Variants in PEAK3 observed in about 807,000 individuals in gnomAD.
The protein encoded by PEAK3 is PEAK family member 3.
Under a neutral mutation model 13.3 loss-of-function variants are expected in PEAK3, and 15 were observed. That is an observed-to-expected ratio of 1.13 (90% CI 0.75 to 1.73). The LOEUF (loss-of-function observed/expected upper bound fraction) is 1.73, where lower values mean the gene tolerates loss of function less well. PEAK3 is among the 40% of genes most tolerant of loss of function. The probability of loss-of-function intolerance (pLI) is 0.00; values close to 1 mark genes in which losing one functional copy is unlikely to be tolerated. For missense variants in PEAK3, 739 were observed against 690.2 expected (o/e 1.07, Z -0.79); for synonymous variants, 347 against 341.9 (o/e 1.01, Z -0.17).
rs1462776934 is a variant in PEAK3 at position 2,276,058 on chromosome 19, G to A, written c.1044C>T (p.His348=). ...GGAGGAGGCTGCCCAGCTGCGGCGC[G>A]TGGGGGCCCGGGGATCCCGGGGGTC... ...PPGPPGSPGP[H]APQLGSLLRA... The change falls in exon 4 of 4, where the codon CAC becomes CAT. Residue 348 remains histidine (H), a synonymous_variant. Transcript: ENST00000342063. The A allele has an allele frequency of 3.4e-6, 5 of 1,450,870 alleles. No homozygotes were observed. In the South Asian group the frequency reaches 4.3e-5, roughly 12 times the overall value. The allele number at this position is 1,450,870 out of a possible 1,614,324, so 89.9% of individuals were successfully genotyped here.
intron 1 of PEAK3, among the ~76,000 whole-genome samples, chr19:2,281,303 G>T (rs4471818): frequency 1.4e-5 from 1 of 70,624 alleles, no homozygotes; most frequent in Non-Finnish European, 2.8e-5. Context: ...GAGTGGGTTT[G>T]CTGCCCTCTC....
At position 2,279,127 on chromosome 19, in the gene PEAK3, C is replaced by T. The variant is rs1257534268; in HGVS notation, c.83-14G>A. 1 of 1,424,192 alleles carries T rather than the reference C, an allele frequency of 7.0e-7. No homozygotes were observed. The highest frequency in any genetic ancestry group is 2.6e-5 in the East Asian group (1 of 39,056). The allele number at this position is 1,424,192 out of a possible 1,614,324, so 88.2% of individuals were successfully genotyped here. A position where few individuals can be genotyped will look rare whatever the true frequency, so the allele number is the denominator to read the frequency against. On this transcript the variant is annotated splice_polypyrimidine_tract_variant and intron_variant, in intron 2 of 3. Transcript: ENST00000342063. Reference sequence around the variant, plus strand: ...CACGGATCTGACCTGCAGGGAGAGACAGTGGGGGAGGGTTGAGGACAGGCG... The same window carrying T: ...CACGGATCTGACCTGCAGGGAGAGATAGTGGGGGAGGGTTGAGGACAGGCG...
intron 2 of PEAK3, 151 bp downstream of exon 2, chr19:2,280,699 G>A (rs771782621): frequency 7.7e-6 from 5 of 646,102 alleles, no homozygotes; most frequent in African/African-American, 3.8e-5. Context: ...GGGCCTTCCC[G>A]GAGGTCACTC....
At chr19:2,279,831 C>A (rs940153446) in intron 2 of PEAK3, among the ~76,000 whole-genome samples, 1 of 151,706 alleles carries the variant, frequency 6.6e-6, no homozygotes, top group Admixed American at 6.6e-5. Context: ...CTCACTGCAA[C>A]CTCCGCCTCC....
At chr19:2,277,139 A>T (rs530036298) in intron 3 of PEAK3, among the ~76,000 whole-genome samples, 2 of 152,292 alleles carry the variant, frequency 1.3e-5, no homozygotes, top group East Asian at 3.9e-4. Flanking sequence ...TTCCTGGGTT[A>T]ACTGCGTTGA....
Position 2,276,131 on chromosome 19 carries a change from G to T in PEAK3, c.971C>A (p.Pro324Gln). 6.5e-7 allele frequency: 1 copy of T among 1,539,110 alleles called. No homozygotes were observed. ...GCCAAAGTCAGTGAGGAGCAGGCGT[G>T]GGGGCCCCGTCGTCGCACAGCCCCG... is the stretch of plus-strand genomic sequence containing the variant. ...APRGCATTGP[P>Q]RLLLTDFGRV... The change falls in exon 4 of 4, where the codon CCA becomes CAA. Residue 324 changes from proline to glutamine, a missense_variant. By Grantham distance (76) the Pro-to-Gln change is moderately conservative (BLOSUM62 -1). Transcript: ENST00000342063.
In PEAK3 at chr19:2,275,957, G is replaced by A. The variant is rs2025381664; in HGVS notation, c.1145C>T (p.Thr382Ile). 14 of 1,409,152 alleles carry A rather than the reference G, an allele frequency of 9.9e-6. No homozygotes were observed. The highest frequency in any genetic ancestry group is 1.3e-5 in the Non-Finnish European group (14 of 1,089,200). The allele number at this position is 1,409,152 out of a possible 1,614,324, so 87.3% of individuals were successfully genotyped here. ...CCGGGACGCCGAGGGCCGCAAGCGGGTCAGCTGTGCTGCCAGGAGCTCCAG... is the reference window on the plus strand; with the variant it reads ...CCGGGACGCCGAGGGCCGCAAGCGGATCAGCTGTGCTGCCAGGAGCTCCAG... ...AGLELLAAQL[T>I]RLRPSASRTR... is the part of the protein sequence containing the mutation. Residue 382 changes from threonine to isoleucine, a missense_variant, in exon 4 of 4, where the codon ACC becomes ATC. Physicochemically the swap from Thr to Ile is moderately conservative, Grantham distance 89 (BLOSUM62 -1). Coordinates refer to ENST00000342063, the MANE Select transcript of PEAK3 (RefSeq NM_198532.3).
chr19:2,276,285 G>T lies in PEAK3; in HGVS notation c.817C>A (p.Pro273Thr), dbSNP rs761965563. The stretch of plus-strand genomic sequence containing the variant: ...ACAGCCCACACGAACTCCTCCGGCG[G>T]CTGCGTGCAGGCCTCCGCCAGCCAC... ...AQWLAEACTQ[P>T]PEEFVWAVAL... Residue 273 changes from proline (P) to threonine (T), a missense_variant, in exon 4 of 4, where the codon CCG becomes ACG. Coordinates refer to ENST00000342063, the MANE Select transcript of PEAK3 (RefSeq NM_198532.3). The T allele has an allele frequency of 3.1e-6, 5 of 1,591,760 alleles. No homozygotes were observed. The highest frequency in any genetic ancestry group is 4.3e-6 in the Non-Finnish European group (5 of 1,176,098).
rs759962548 is a variant in PEAK3 at position 2,276,477 on chromosome 19, C to T, written c.625G>A (p.Gly209Arg). 17 of 1,537,724 alleles carry T rather than the reference C, an allele frequency of 1.1e-5. No individual in the cohort carries two copies. The highest frequency in any genetic ancestry group is 3.6e-5 in the South Asian group (3 of 83,128). The change falls in exon 4 of 4, where the codon GGG (glycine) becomes AGG (arginine). Residue 209 changes from glycine to arginine, a missense_variant. Coordinates refer to ENST00000342063, the MANE Select transcript of PEAK3 (RefSeq NM_198532.3). ...CCCCACGGGTGGGGCACGTCCGCCC[C>T]GGGCTTGGGCACCTGCAAGGCAGAG... ...HILVAKVPKP[G>R]ADVPHPWGLE...
At chr19:2,280,801 G>A (rs745820667) in intron 2 of PEAK3, 49 bp downstream of exon 2, 1 of 1,414,078 alleles carries the variant, frequency 7.1e-7, no homozygotes, top group Non-Finnish European at 9.6e-7. Context: ...GCACCCCCCT[G>A]CCGCTCCCTG....
chr19:2,277,542 C>T (rs1465590164), intron 3 of PEAK3, among the ~76,000 whole-genome samples: 1 of 151,990 alleles, frequency 6.6e-6, no homozygotes, highest in Non-Finnish European at 1.5e-5. Context: ...TTTTTCTTTT[C>T]TTTTCTTTTT....
intron 3 of PEAK3, among the ~76,000 whole-genome samples, chr19:2,276,891 C>T (rs1223303165): frequency 6.6e-6 from 1 of 152,070 alleles, no homozygotes; most frequent in Non-Finnish European, 1.5e-5. Context: ...GCGCGCCTGT[C>T]ATCCCAGCTA....
rs1209207226 is a variant in PEAK3, at chr19:2,275,602, A to C, written c.*78T>G. 1 of 1,245,024 alleles carries C rather than the reference A, an allele frequency of 8.0e-7. No individual in the cohort carries two copies. Among genetic ancestry groups the C allele is most frequent in the East Asian group, 3.2e-5 (1 of 31,628 alleles). The allele number at this position is 1,245,024 out of a possible 1,614,324, so 77.1% of individuals were successfully genotyped here. ...TCTGCAGGAAGAGGGTGTCTTGGCT[A>C]TCATGGAGACGCTGACCTCAGCCCC... On this transcript the variant is annotated 3_prime_UTR_variant, in exon 4 of 4. Coordinates refer to ENST00000342063, the MANE Select transcript of PEAK3 (RefSeq NM_198532.3).
chr19:2,279,001 G>C lies in PEAK3; in HGVS notation c.195C>G (p.Thr65=), dbSNP rs1162103296. The C allele has an allele frequency of 6.3e-7, 1 of 1,577,442 alleles. No individual in the cohort carries two copies. The highest frequency in any genetic ancestry group is 1.3e-5 in the African/African-American group (1 of 74,326). Residue 65 remains threonine (T), a synonymous_variant, in exon 3 of 4, where the codon ACC becomes ACG. Transcript: ENST00000342063. ...TGCGGGTGGGCAGTGACTGGGTCCGGGTTAGGATCTTCTTGGGCAGGGGTG... is the reference window on the plus strand; with the variant it reads ...TGCGGGTGGGCAGTGACTGGGTCCGCGTTAGGATCTTCTTGGGCAGGGGTG... ...LPPPLPKKIL[T]RTQSLPTRRT...
At position 2,276,072 on chromosome 19, in the gene PEAK3, A is replaced by T. The variant is rs2025383504; in HGVS notation, c.1030T>A (p.Ser344Thr). ...VCLQPPGPPG[S>T]PGPHAPQLGS... ...AGCTGCGGCGCGTGGGGGCCCGGGG[A>T]TCCCGGGGGTCCAGGGGGCTGCAGA... is the stretch of plus-strand genomic sequence containing the variant. The change falls in exon 4 of 4, where the codon TCC becomes ACC. Residue 344 changes from serine (S) to threonine (T), a missense_variant. Coordinates refer to ENST00000342063, the MANE Select transcript of PEAK3 (RefSeq NM_198532.3). 1 of 1,463,172 alleles carries T rather than the reference A, an allele frequency of 6.8e-7. No homozygotes were observed. The highest frequency in any genetic ancestry group is 1.4e-5 in the South Asian group (1 of 72,534). The allele number at this position is 1,463,172 out of a possible 1,614,324, so 90.6% of individuals were successfully genotyped here. A position where few individuals can be genotyped will look rare whatever the true frequency, so the allele number is the denominator to read the frequency against.
rs2025368955 is a variant in PEAK3, at chr19:2,274,931, C to CGAA, written c.*748_*749insTTC. The CGAA allele has an allele frequency of 1.2e-5, 1 of 81,980 alleles. No individual in the cohort carries two copies. Among genetic ancestry groups the CGAA allele is most frequent in the Non-Finnish European group, 2.4e-5 (1 of 42,168 alleles). 5.1% of individuals were successfully genotyped at this position (81,980 alleles called of 1,614,324 possible). On this transcript the variant is annotated 3_prime_UTR_variant, in exon 4 of 4. Transcript: ENST00000342063. Reference sequence around the variant, plus strand: ...AGCTTGCAGTAAGCCGAGATCGTCTCAAAAAAAAAAAAAAAAAAAAAAGAA... The same window carrying CGAA: ...AGCTTGCAGTAAGCCGAGATCGTCTCGAAAAAAAAAAAAAAAAAAAAAAAAGAA...
Position 2,278,842 on chromosome 19 carries a change from G to A in PEAK3, c.354C>T (p.Asp118=), listed in dbSNP as rs78560055. The change falls in exon 3 of 4, where the codon GAC becomes GAT. Residue 118 remains aspartate (D), a synonymous_variant. Transcript: ENST00000342063. ...CGCGGAGGGAGAGGCCCAGTGGGGC[G>A]TCAGCCGGGCCAAAGGTCAGCTCTG... is the stretch of plus-strand genomic sequence containing the variant. ...LPAELTFGPA[D]APLGLSLRDL... The A allele has an allele frequency of 0.012, 18,972 of 1,597,020 alleles. 160 individuals are homozygous for A. Among genetic ancestry groups the A allele is most frequent in the Non-Finnish European group, 0.015 (17,110 of 1,172,144 alleles).
chr19:2,276,063 G>C lies in PEAK3; in HGVS notation c.1039C>G (p.Pro347Ala). The change falls in exon 4 of 4, where the codon CCC (proline) becomes GCC (alanine). Residue 347 changes from proline to alanine, a missense_variant. By Grantham distance (27) the Pro-to-Ala change is conservative (BLOSUM62 -1). Transcript: ENST00000342063. ...AGGCTGCCCAGCTGCGGCGCGTGGG[G>C]GCCCGGGGATCCCGGGGGTCCAGGG... is the stretch of plus-strand genomic sequence containing the variant. ...QPPGPPGSPG[P>A]HAPQLGSLLR... 6.9e-7 allele frequency: 1 copy of C among 1,457,448 alleles called. No individual in the cohort carries two copies. The highest frequency in any genetic ancestry group is 9.0e-7 in the Non-Finnish European group (1 of 1,105,008). The allele number at this position is 1,457,448 out of a possible 1,614,324, so 90.3% of individuals were successfully genotyped here. A position where few individuals can be genotyped will look rare whatever the true frequency, so the allele number is the denominator to read the frequency against.
intron 1 of PEAK3, 116 bp downstream of exon 1, chr19:2,281,971 C>T (rs528671575): frequency 6.5e-6 from 1 of 152,900 alleles, no homozygotes; most frequent in Non-Finnish European, 1.5e-5. Flanking sequence ...GCCTCATCCC[C>T]GAGGGCTCAG....
Sources: gnomAD v4.1 joint callset for allele counts (sites outside exome capture counted in the v4.1 genomes callset) on GRCh38, gnomAD v4.1.1 for gene constraint, MANE v1.5 for transcripts, NCBI Gene and HGNC (gene_info 2026-07-23, HGNC 2026-07-21) for gene names.